The following NAAA variants were observed in gnomAD, a reference collection of about 807,000 sequenced individuals.
NAAA encodes N-acylethanolamine acid amidase, also known as N-acylethanolamine-hydrolyzing acid amidase.
A neutral mutation model predicts 44.8 loss-of-function variants in NAAA; 39 were observed. The observed-to-expected ratio is 0.87, with a 90% confidence interval of 0.67 to 1.14. The LOEUF (loss-of-function observed/expected upper bound fraction) is 1.14. Ranked by LOEUF, NAAA falls within the 50% of genes most tolerant of loss-of-function variation. NAAA has a pLI of 0.00. For missense variants in NAAA, 460 were observed against 467.8 expected, an observed-to-expected ratio of 0.98 and a Z score of 0.15; for synonymous variants, 178 against 191.3, an observed-to-expected ratio of 0.93 and a Z score of 0.58.
chr4:75,926,278 T>C (rs1317495327), intron 4 of NAAA, among the ~76,000 whole-genome samples: 1 of 152,028 alleles, frequency 6.6e-6, no homozygotes. Context: ...AAGACAGTAT[T>C]AGCCAGGTGT....
At chr4:75,911,911 T>C (rs1347643413), downstream of NAAA, among the ~76,000 whole-genome samples, 1 of 152,104 alleles carries the variant, frequency 6.6e-6, no homozygotes, top group African/African-American at 2.4e-5. Context: ...GAGGGTGGGG[T>C]TATTATCATC....
At chr4:75,940,310 G>A (rs1728143697) in intron 1 of NAAA, 145 bp from the exon 2 acceptor site, 2 of 799,014 alleles carry the variant, frequency 2.5e-6, no homozygotes, top group Non-Finnish European at 1.9e-6. Flanking sequence ...CAGGCGCGGC[G>A]TCACTCAATC....
rs1379876001 is a variant in NAAA at position 75,913,821 on chromosome 4, G to T, written c.*554C>A. On this transcript the variant is annotated 3_prime_UTR_variant, in exon 11 of 11. Coordinates refer to ENST00000286733, the MANE Select transcript of NAAA (RefSeq NM_014435.4). Reference sequence around the variant, plus strand: ...AGGGCCATAGGTTTTTCAATAAAACGTTAGAAACATTATAAAAAACGAGAC... The same window carrying T: ...AGGGCCATAGGTTTTTCAATAAAACTTTAGAAACATTATAAAAAACGAGAC... 2.0e-5 allele frequency: 20 copies of T among 985,016 alleles called. No homozygotes were observed. Among genetic ancestry groups the T allele is most frequent in the Admixed American group, 6.2e-5 (1 of 16,250 alleles). The allele number at this position is 985,016 out of a possible 1,614,324, so 61.0% of individuals were successfully genotyped here. A position where few individuals can be genotyped will look rare whatever the true frequency, so the allele number is the denominator to read the frequency against.
At chr4:75,937,949 G>C (rs900988251) in intron 2 of NAAA, among the ~76,000 whole-genome samples, 7 of 152,240 alleles carry the variant, frequency 4.6e-5, no homozygotes, top group Admixed American at 2.0e-4. Flanking sequence ...AAATGTTGTA[G>C]TGTGATGCAG....
At chr4:75,917,776 T>TAAAA in intron 9 of NAAA, 3 of 371,936 alleles carry the variant, frequency 8.1e-6, no homozygotes, top group East Asian at 8.5e-5. Context: ...TGCTTTCACT[T>TAAAA]AAAAAAAAAA....
chr4:75,918,185 G>A (rs1355904536), intron 9 of NAAA, among the ~76,000 whole-genome samples: 2 of 152,166 alleles, frequency 1.3e-5, no homozygotes, highest in Non-Finnish European at 2.9e-5. Context: ...CGGGCGCAGT[G>A]GCTCACTCCT....
chr4:75,937,037 C>T (rs1727785452), intron 2 of NAAA, among the ~76,000 whole-genome samples: 1 of 152,014 alleles, frequency 6.6e-6, no homozygotes, highest in Non-Finnish European at 1.5e-5. Context: ...TTTTACTTTT[C>T]TACATTTACT....
chr4:75,934,106 C>T (rs1450508984), intron 3 of NAAA, among the ~76,000 whole-genome samples: 2 of 149,292 alleles, frequency 1.3e-5, no homozygotes, highest in Non-Finnish European at 3.0e-5. Context: ...AATTTACAGC[C>T]TAATTAAGGC....
At position 75,924,760 on chromosome 4, in the gene NAAA, C is replaced by T. The variant is rs571618921; in HGVS notation, c.666+975G>A. Among the ~76,000 whole-genome samples, 13 of 152,314 alleles carry T rather than the reference C, an allele frequency of 8.5e-5. No homozygotes were observed. In the South Asian group the frequency reaches 2.7e-3, roughly 32 times the overall value. On this transcript the variant is annotated intron_variant, in intron 5 of 10. Transcript: ENST00000286733. ...ATTCTCTCCTTAACCAAACTCTAGC[C>T]AGGCTCCTCTGAGACCTCTTCTCTA...
downstream of NAAA, among the ~76,000 whole-genome samples, chr4:75,912,288 C>T (rs1236217864): frequency 1.3e-5 from 2 of 151,772 alleles, no homozygotes; most frequent in Non-Finnish European, 2.9e-5. Context: ...GGCGCGGTGG[C>T]TCACGCCTGT....
chr4:75,938,606 T>C (rs1451484365), intron 2 of NAAA, among the ~76,000 whole-genome samples: 1 of 152,166 alleles, frequency 6.6e-6, no homozygotes, highest in Non-Finnish European at 1.5e-5. Context: ...CCTGGGCCAG[T>C]AAAGTTTCAT....
Position 75,920,809 on chromosome 4 carries a change from G to T in NAAA, c.840-9C>A. 6.2e-7 allele frequency: 1 copy of T among 1,614,092 alleles called. No homozygotes were observed. The highest frequency in any genetic ancestry group is 8.5e-7 in the Non-Finnish European group (1 of 1,180,012). On this transcript the variant is annotated splice_polypyrimidine_tract_variant and intron_variant, in intron 6 of 10. Coordinates refer to ENST00000286733, the MANE Select transcript of NAAA (RefSeq NM_014435.4). ...TCTCAACTCGGAACCACCTACAACA[G>T]AGCACATCATCTTGTCTTATCCAAG...
Position 75,920,759 on chromosome 4 carries a change from G to T in NAAA, c.881C>A (p.Ala294Glu). The change falls in exon 7 of 11, where the codon GCA (alanine) becomes GAA (glutamate). Residue 294 changes from alanine to glutamate, a missense_variant. Transcript: ENST00000286733. ...CTACCTCCGGTCATCTTCCTTGGGTGCTGGCTTCCAGTGGTCGTAATTTGT... is the reference window on the plus strand; with the variant it reads ...CTACCTCCGGTCATCTTCCTTGGGTTCTGGCTTCCAGTGGTCGTAATTTGT... ...VETNYDHWKP[A>E]PKEDDRRTSA... is the part of the protein sequence containing the mutation. The T allele has an allele frequency of 1.2e-6, 2 of 1,614,206 alleles. No individual in the cohort carries two copies. Among genetic ancestry groups the T allele is most frequent in the Non-Finnish European group, 1.7e-6 (2 of 1,180,030 alleles).
chr4:75,920,061 G>C, intron 7 of NAAA, 86 bp from the exon 8 acceptor site: 2 of 1,199,460 alleles, frequency 1.7e-6, no homozygotes, highest in Non-Finnish European at 2.5e-6. Context: ...CAGAATGCAA[G>C]CTCCAGTCTC....
At chr4:75,940,434 C>G (rs1728161662) in intron 1 of NAAA, among the ~76,000 whole-genome samples, 1 of 152,208 alleles carries the variant, frequency 6.6e-6, no homozygotes, top group Non-Finnish European at 1.5e-5. Context: ...GGAAGGCCCG[C>G]GAGGCCCGCA....
At chr4:75,934,303 C>T (rs1727512442) in intron 3 of NAAA, among the ~76,000 whole-genome samples, 1 of 151,470 alleles carries the variant, frequency 6.6e-6, no homozygotes, top group South Asian at 2.1e-4. Flanking sequence ...GAATGAGGTC[C>T]TGTGTATGAT....
At position 75,920,987 on chromosome 4, in the gene NAAA, G is replaced by C; in HGVS notation, c.803C>G (p.Pro268Arg). Residue 268 changes from proline to arginine, a missense_variant, in exon 6 of 11, where the codon CCA becomes CGA. Transcript: ENST00000286733. ...AGGATCTAGAGGCCAAATGTCTGCT[G>C]GGCCATCTCTGTTCCTCGTGATGAC... is the stretch of plus-strand genomic sequence containing the variant. ...GVVITRNRDG[P>R]ADIWPLDPLN... 1 of 1,612,918 alleles carries C rather than the reference G, an allele frequency of 6.2e-7. No individual in the cohort carries two copies.
intron 5 of NAAA, among the ~76,000 whole-genome samples, chr4:75,924,373 A>C (rs1726462603): frequency 6.6e-6 from 1 of 152,258 alleles, no homozygotes; most frequent in East Asian, 1.9e-4. Context: ...TAATTGAGAC[A>C]GTTACTAGGT....
At chr4:75,912,423 A>G (rs1288852718), downstream of NAAA, among the ~76,000 whole-genome samples, 1 of 151,902 alleles carries the variant, frequency 6.6e-6, no homozygotes. Flanking sequence ...GCATGGTGGC[A>G]CACGCCTGTA....
Sources: gnomAD v4.1 joint callset for allele counts (sites outside exome capture counted in the v4.1 genomes callset) on GRCh38, gnomAD v4.1.1 for gene constraint, MANE v1.5 for transcripts, NCBI Gene and HGNC (gene_info 2026-07-23, HGNC 2026-07-21) for gene names.